APOL5: variants seen among roughly 807,000 people sequenced by gnomAD.
APOL5 encodes the protein apolipoprotein L, 5.
A neutral mutation model predicts 35.5 loss-of-function variants in APOL5; 29 were observed. That is an observed-to-expected ratio of 0.82 (90% CI 0.61 to 1.11). The LOEUF (loss-of-function observed/expected upper bound fraction) is 1.11, where lower values mean the gene tolerates loss of function less well. APOL5 is among the 50% of genes most tolerant of loss of function. The pLI is 0.00. For synonymous variants in APOL5, 188 were observed against 200.2 expected (o/e 0.94, Z 0.51); for missense variants, 514 against 530.4 (o/e 0.97, Z 0.30).
chr22:35,717,737 G>A (rs1394693711), upstream of APOL5: 48 of 146,654 alleles, frequency 3.3e-4, no homozygotes, highest in African/African-American at 5.2e-4. Flanking sequence ...AAGCTCCATC[G>A]CAAAAAAAAA....
intron 1 of APOL5, 71 bp from the exon 2 acceptor site, chr22:35,720,497 G>T: frequency 7.3e-7 from 1 of 1,364,034 alleles, no homozygotes; most frequent in Non-Finnish European, 1.0e-6. Flanking sequence ...CAACTTTCCC[G>T]GAGCACTGTT....
intron 2 of APOL5, among the ~76,000 whole-genome samples, chr22:35,722,886 C>T (rs536244594): frequency 1.3e-5 from 2 of 152,186 alleles, no homozygotes; most frequent in Admixed American, 6.5e-5. Flanking sequence ...GTGTACAAGG[C>T]GATCTGGAAG....
upstream of APOL5, among the ~76,000 whole-genome samples, chr22:35,713,120 A>G (rs921803346): frequency 9.2e-5 from 14 of 152,246 alleles, no homozygotes; most frequent in Admixed American, 9.2e-4. Context: ...GCAGTTATCA[A>G]CATCTTCTCT....
intron 2 of APOL5, among the ~76,000 whole-genome samples, chr22:35,724,664 T>C (rs1368223619): frequency 6.6e-6 from 1 of 151,942 alleles, no homozygotes; most frequent in Non-Finnish European, 1.5e-5. Flanking sequence ...GCTGGAGTGC[T>C]ATGGCGCGAT....
rs1191242421 is a variant in APOL5 at position 35,728,833 on chromosome 22, C to T, written c.1237C>T (p.His413Tyr). 1 of 1,612,464 alleles carries T rather than the reference C, an allele frequency of 6.2e-7. No individual in the cohort carries two copies. The highest frequency in any genetic ancestry group is 2.2e-5 in the East Asian group (1 of 44,670). Reference sequence around the variant, plus strand: ...AGTCTCTGCCCCAAGGATGCTTGGCCACCAGCCAGCCCCACCAGCACCAGC... The same window carrying T: ...AGTCTCTGCCCCAAGGATGCTTGGCTACCAGCCAGCCCCACCAGCACCAGC... ...RTVSAPRMLG[H>Y]QPAPPAPARK... is the part of the protein sequence containing the mutation. Residue 413 changes from histidine (H) to tyrosine (Y), a missense_variant, in exon 4 of 5, where the codon CAC becomes TAC. Around this residue, in one of 3 missense-constraint regions of APOL5, gnomAD observed 238 missense variants for 229.1 expected, o/e 1.04. Transcript: ENST00000249044.
chr22:35,720,900 C>G (rs1319348411), intron 2 of APOL5, among the ~76,000 whole-genome samples: 3 of 152,132 alleles, frequency 2.0e-5, no homozygotes, highest in Non-Finnish European at 4.4e-5. Flanking sequence ...CGCCCGCCAC[C>G]ACGCCCGGCT....
chr22:35,725,900 C>T (rs1418056900), intron 2 of APOL5, among the ~76,000 whole-genome samples: 1 of 152,114 alleles, frequency 6.6e-6, no homozygotes, highest in Non-Finnish European at 1.5e-5. Flanking sequence ...TTTTTTAGTC[C>T]TATAAAGGCA....
chr22:35,713,760 A>C (rs1412969802), upstream of APOL5, among the ~76,000 whole-genome samples: 2 of 151,994 alleles, frequency 1.3e-5, no homozygotes. Context: ...CTGTTCAGTA[A>C]ATTCTCTTGA....
chr22:35,717,762 AGAAAAG>A, upstream of APOL5: 5 of 440,304 alleles, frequency 1.1e-5, no homozygotes, highest in Non-Finnish European at 1.3e-5. Flanking sequence ...AAGAAAGAAA[AGAAAAG>A]AAAAAAAAAT....
intron 2 of APOL5, among the ~76,000 whole-genome samples, chr22:35,721,508 T>G (rs1926970679): frequency 6.6e-6 from 1 of 151,672 alleles, no homozygotes; most frequent in Non-Finnish European, 1.5e-5. Flanking sequence ...GCACCACTAC[T>G]GCACTCTAGC....
upstream of APOL5, chr22:35,717,738 C>CAAAAA (rs71322979): frequency 0.12 from 22,933 of 185,718 alleles, 2,580 homozygotes; most frequent in East Asian, 0.19. Context: ...AGCTCCATCG[C>CAAAAA]AAAAAAAAAA....
At chr22:35,716,166 A>G (rs1334489686), upstream of APOL5, among the ~76,000 whole-genome samples, 1 of 152,254 alleles carries the variant, frequency 6.6e-6, no homozygotes, top group African/African-American at 2.4e-5. Context: ...TTGTCTTACC[A>G]TGTACTTGGC....
chr22:35,719,256 T>C (rs999419808), intron 1 of APOL5, among the ~76,000 whole-genome samples: 1 of 152,164 alleles, frequency 6.6e-6, no homozygotes, highest in Non-Finnish European at 1.5e-5. Flanking sequence ...TTTTGTCAAA[T>C]TATATTGAAA....
At chr22:35,728,669 A>AG in intron 3 of APOL5, 54 bp from the exon 4 acceptor site, 1 of 1,578,650 alleles carries the variant, frequency 6.3e-7, no homozygotes, top group Non-Finnish European at 8.6e-7. Flanking sequence ...CTGAACGTCC[A>AG]GGGGCAGATC....
upstream of APOL5, chr22:35,717,749 A>AAAAG: frequency 5.6e-6 from 2 of 355,324 alleles, no homozygotes; most frequent in Non-Finnish European, 4.2e-6. Context: ...AAAAAAAAAA[A>AAAAG]AAAAGAAAGA....
chr22:35,724,527 G>T (rs1379419362), intron 2 of APOL5, among the ~76,000 whole-genome samples: 2 of 152,196 alleles, frequency 1.3e-5, no homozygotes, highest in African/African-American at 2.4e-5. Flanking sequence ...ATTAGGAAAA[G>T]ACTTGGTGAC....
At chr22:35,723,533 G>A (rs893160465) in intron 2 of APOL5, among the ~76,000 whole-genome samples, 2 of 152,244 alleles carry the variant, frequency 1.3e-5, no homozygotes, top group Admixed American at 6.5e-5. Flanking sequence ...TTTGAGTGGA[G>A]AGGATTTTCC....
chr22:35,726,333 T>A lies in APOL5; in HGVS notation c.265T>A (p.Ser89Thr), dbSNP rs41283201. The A allele has an allele frequency of 0.027, 43,142 of 1,614,176 alleles. 839 individuals are homozygous for A. Among genetic ancestry groups the A allele is most frequent in the African/African-American group, 0.065 (4,914 of 75,040 alleles). Residue 89 changes from serine (S) to threonine (T), a missense_variant, in exon 3 of 5, where the codon TCC (serine) becomes ACC (threonine). Coordinates refer to ENST00000249044, the MANE Select transcript of APOL5 (RefSeq NM_030642.1). ...FEELMRCDKD[S>T]MPDGNLSEEE... ...AGAGCTGATGCGATGTGACAAAGAT[T>A]CCATGCCAGATGGAAATCTGTCAGA... is the stretch of plus-strand genomic sequence containing the variant.
rs556682754 is a variant in APOL5, at chr22:35,721,059, T to C, written c.142+405T>C. The stretch of plus-strand genomic sequence containing the variant: ...CCGTGCCCAGCTGTCAATAAGTATT[T>C]GAATGAAGGAATAAAATCTGATTGT... On this transcript the variant is annotated intron_variant, in intron 2 of 4. Coordinates refer to ENST00000249044, the MANE Select transcript of APOL5 (RefSeq NM_030642.1). Among the ~76,000 whole-genome samples the C allele has an allele frequency of 1.2e-4, 18 of 152,180 alleles. 1 individual carries two copies. The South Asian group carries it at 3.7e-3, about 32-fold the overall frequency.
Sources: gnomAD v4.1 joint callset for allele counts (sites outside exome capture counted in the v4.1 genomes callset) on GRCh38, gnomAD v4.1.1 for gene constraint, gnomAD v4.1.1 regional missense constraint, MANE v1.5 for transcripts, NCBI Gene and HGNC (gene_info 2026-07-23, HGNC 2026-07-21) for gene names.